Variants in LRRIQ1 observed in about 807,000 individuals in gnomAD.
LRRIQ1 encodes leucine-rich repeat- and IQ domain-containing protein 1.
In LRRIQ1, 210 loss-of-function variants were observed where a neutral mutation model predicts 211.9. That is an observed-to-expected ratio of 0.99 (90% CI 0.89 to 1.11). LRRIQ1 has a LOEUF of 1.11. Among genes scored for constraint, LRRIQ1 ranks in the 50% most tolerant of loss-of-function variants. LRRIQ1 has a pLI of 0.00. For missense variants in LRRIQ1, 2,136 were observed against 1,939.5 expected (o/e 1.10, Z -1.90); for synonymous variants, 699 against 650.1 (o/e 1.08, Z -1.14).
intron 10 of LRRIQ1, among the ~76,000 whole-genome samples, chr12:85,070,642 T>C (rs1384310207): frequency 6.6e-6 from 1 of 152,000 alleles, no homozygotes; most frequent in African/African-American, 2.4e-5. Context: ...TATGAAAATA[T>C]ACATTTTTAC....
chr12:85,142,484 G>C (rs895338576), intron 19 of LRRIQ1, among the ~76,000 whole-genome samples: 1 of 151,286 alleles, frequency 6.6e-6, no homozygotes, highest in Non-Finnish European at 1.5e-5. Context: ...ACTTTCATTC[G>C]CTCTCAACAT....
At chr12:85,263,536 C>T (rs1337468964) in exon 2 of LRRIQ1, 2 of 151,712 alleles carry the variant, frequency 1.3e-5, no homozygotes. Context: ...TAAACAGTGA[C>T]AAAGGCCTTT....
chr12:85,213,234 GA>G (rs1166239459), intron 24 of LRRIQ1, among the ~76,000 whole-genome samples: 1 of 151,664 alleles, frequency 6.6e-6, no homozygotes. Context: ...ACATTGGGGG[GA>G]AAAATTACCA....
In LRRIQ1 at chr12:85,244,994, T is replaced by C. The variant is rs1429135830; in HGVS notation, c.*53T>C. 14 of 1,588,740 alleles carry C rather than the reference T, an allele frequency of 8.8e-6. No homozygotes were observed. Among genetic ancestry groups the C allele is most frequent in the African/African-American group, 1.4e-5 (1 of 73,342 alleles). ...ATGCCAACAAGCATTCTTTTTCAGA[T>C]AGGGGGTAGGATGCCAGCAACCTGA... is the stretch of plus-strand genomic sequence containing the variant. On this transcript the variant is annotated 3_prime_UTR_variant, in exon 27 of 27. Coordinates refer to ENST00000393217, the MANE Select transcript of LRRIQ1 (RefSeq NM_001079910.2).
chr12:85,156,133 A>G (rs1362449206), intron 23 of LRRIQ1, among the ~76,000 whole-genome samples: 1 of 151,794 alleles, frequency 6.6e-6, no homozygotes, highest in Non-Finnish European at 1.5e-5. Context: ...TAACATGATT[A>G]TAATCCAAAT....
intron 24 of LRRIQ1, among the ~76,000 whole-genome samples, chr12:85,201,922 C>T (rs1276671883): frequency 6.6e-6 from 1 of 152,004 alleles, no homozygotes; most frequent in Non-Finnish European, 1.5e-5. Flanking sequence ...TTGATGTGTG[C>T]TCTCAGTGCT....
chr12:85,186,591 A>G (rs1246434261), intron 24 of LRRIQ1, among the ~76,000 whole-genome samples: 1 of 152,104 alleles, frequency 6.6e-6, no homozygotes, highest in African/African-American at 2.4e-5. Flanking sequence ...TAGTTATTTT[A>G]TTTATATACA....
intron 13 of LRRIQ1, among the ~76,000 whole-genome samples, chr12:85,103,480 G>T (rs903675586): frequency 6.6e-6 from 1 of 151,610 alleles, no homozygotes; most frequent in African/African-American, 2.4e-5. Context: ...AGTAAAGAAA[G>T]ATTTTTTAAA....
intron 4 of LRRIQ1, among the ~76,000 whole-genome samples, chr12:85,045,546 A>G (rs534942782): frequency 2.0e-5 from 3 of 152,002 alleles, no homozygotes; most frequent in African/African-American, 4.8e-5. Context: ...CTTTCCAACT[A>G]AAGTATGGTG....
chr12:85,101,250 C>G (rs1252825495), intron 13 of LRRIQ1, among the ~76,000 whole-genome samples: 1 of 151,658 alleles, frequency 6.6e-6, no homozygotes, highest in Non-Finnish European at 1.5e-5. Context: ...AAATGGAATA[C>G]ATATAAAGAA....
chr12:85,253,462 T>C (rs1896006191), intron 1 of LRRIQ1, among the ~76,000 whole-genome samples: 1 of 152,086 alleles, frequency 6.6e-6, no homozygotes, highest in Admixed American at 6.6e-5. Context: ...GCACCTGTTA[T>C]TTAGAACCAT....
chr12:85,130,431 A>G (rs1054512074), intron 18 of LRRIQ1, among the ~76,000 whole-genome samples: 1 of 152,210 alleles, frequency 6.6e-6, no homozygotes, highest in Admixed American at 6.5e-5. Context: ...ACAGTAAACA[A>G]CTATTCAACT....
downstream of LRRIQ1, among the ~76,000 whole-genome samples, chr12:85,245,720 A>G (rs1895686886): frequency 6.6e-6 from 1 of 151,040 alleles, no homozygotes; most frequent in Admixed American, 6.6e-5. Context: ...GTGACAATAC[A>G]TTAGTATAAA....
At chr12:85,243,500 A>G (rs956882277) in intron 26 of LRRIQ1, among the ~76,000 whole-genome samples, 2 of 150,882 alleles carry the variant, frequency 1.3e-5, no homozygotes, top group South Asian at 4.1e-4. Context: ...AATGATTGAC[A>G]TTATACAATG....
intron 24 of LRRIQ1, among the ~76,000 whole-genome samples, chr12:85,214,555 A>G (rs1395371470): frequency 1.3e-5 from 2 of 151,962 alleles, no homozygotes; most frequent in African/African-American, 4.8e-5. Flanking sequence ...GGATATAGAA[A>G]ACAGCAGCGG....
intron 24 of LRRIQ1, among the ~76,000 whole-genome samples, chr12:85,176,707 C>G (rs1175651910): frequency 6.7e-6 from 1 of 149,670 alleles, no homozygotes; most frequent in Non-Finnish European, 1.5e-5. Flanking sequence ...CTAACCTGCA[C>G]AATGTGCACA....
chr12:85,190,570 A>G (rs947791629), intron 24 of LRRIQ1, among the ~76,000 whole-genome samples: 1 of 149,768 alleles, frequency 6.7e-6, no homozygotes, highest in Non-Finnish European at 1.5e-5. Context: ...ATTATAAGGT[A>G]ACATAAATGC....
chr12:85,232,075 C>T (rs1219121307), intron 25 of LRRIQ1, among the ~76,000 whole-genome samples: 1 of 151,908 alleles, frequency 6.6e-6, no homozygotes, highest in African/African-American at 2.4e-5. Context: ...TTTTGATATA[C>T]TTAAATATTT....
chr12:85,183,176 A>C (rs2136895732), intron 24 of LRRIQ1, among the ~76,000 whole-genome samples: 1 of 152,338 alleles, frequency 6.6e-6, no homozygotes, highest in Admixed American at 6.5e-5. Context: ...GTAATCATAT[A>C]GAAAAGTATT....
Sources: allele counts gnomAD v4.1 joint callset (sites outside exome capture counted in the v4.1 genomes callset), GRCh38; gene constraint gnomAD v4.1.1; transcripts MANE v1.5; gene names NCBI Gene and HGNC (gene_info 2026-07-23, HGNC 2026-07-21).